The following COL5A2 variants were observed in gnomAD, a reference collection of about 807,000 sequenced individuals.
COL5A2 encodes collagen alpha-2(V) chain.
COL5A2 carries 23 observed loss-of-function variants against 208.2 expected under a neutral mutation model. The ratio of observed to expected loss-of-function variants is 0.11; its 90% confidence interval spans 0.08 to 0.16. The LOEUF is 0.16. Among genes scored for constraint, COL5A2 ranks in the 10% least tolerant of loss-of-function variants. The pLI is 1.00. For missense variants in COL5A2, 1,590 were observed against 1,956.4 expected, an observed-to-expected ratio of 0.81 and a Z score of 3.53; for synonymous variants, 625 against 628.5, an observed-to-expected ratio of 0.99 and a Z score of 0.08.
intron 1 of COL5A2, among the ~76,000 whole-genome samples, chr2:189,131,951 T>C (rs1302106972): frequency 6.6e-6 from 1 of 152,206 alleles, no homozygotes; most frequent in Non-Finnish European, 1.5e-5. Context: ...CTATGTAATA[T>C]AATTGATAAA....
chr2:189,375,419 G>A, the COL5A2 span, among the ~76,000 whole-genome samples: 1 of 152,170 alleles, frequency 6.6e-6, no homozygotes, highest in South Asian at 2.1e-4. Flanking sequence ...TGTTGAATGA[G>A]GTACAGACTA....
At chr2:189,039,145 G>T in intron 51 of COL5A2, 127 bp downstream of exon 51, 1 of 1,185,236 alleles carries the variant, frequency 8.4e-7, no homozygotes, top group Non-Finnish European at 1.2e-6. Flanking sequence ...TAAGCTCCAT[G>T]ATATGTTTAC....
intron 1 of COL5A2, among the ~76,000 whole-genome samples, chr2:189,117,830 A>G (rs1687424094): frequency 6.6e-6 from 1 of 152,052 alleles, no homozygotes; most frequent in Non-Finnish European, 1.5e-5. Context: ...ATAGAATTAT[A>G]GCTCTGTGAG....
chr2:189,317,355 T>C, the COL5A2 span, among the ~76,000 whole-genome samples: 3,002 of 152,246 alleles, frequency 0.02, 101 homozygotes, highest in African/African-American at 0.069. Flanking sequence ...TGTTATTTCA[T>C]ATTTTCAGGT....
At chr2:189,405,264 C>T in the COL5A2 span, among the ~76,000 whole-genome samples, 2 of 151,108 alleles carry the variant, frequency 1.3e-5, no homozygotes, top group Non-Finnish European at 2.9e-5. Flanking sequence ...TAGGGTGTTG[C>T]TCTGTCACCC....
At chr2:189,386,758 C>G in the COL5A2 span, among the ~76,000 whole-genome samples, 1 of 151,946 alleles carries the variant, frequency 6.6e-6, no homozygotes, top group South Asian at 2.1e-4. Context: ...GAAATGCAAA[C>G]CAAAACCATA....
At chr2:189,107,547 AT>A (rs1392444515) in intron 2 of COL5A2, among the ~76,000 whole-genome samples, 3 of 150,358 alleles carry the variant, frequency 2.0e-5, no homozygotes, top group South Asian at 2.1e-4. Flanking sequence ...TATCTTTACA[AT>A]TTTTTTCTTC....
chr2:189,206,568 CCT>C (rs1373605612), intron 1 of COL5A2, among the ~76,000 whole-genome samples: 1 of 152,122 alleles, frequency 6.6e-6, no homozygotes, highest in Non-Finnish European at 1.5e-5. Context: ...GGAGTGGTCC[CCT>C]GTTAAAACCA....
Position 189,079,974 on chromosome 2 carries a change from T to A in COL5A2, c.960+4A>T. 6.2e-7 allele frequency: 1 copy of A among 1,611,266 alleles called. No homozygotes were observed. ...AGGTTACAGTGAGATAATTATAAGATTACCTTGGAACCAGGTGCTCCAACT... is the reference window on the plus strand; with the variant it reads ...AGGTTACAGTGAGATAATTATAAGAATACCTTGGAACCAGGTGCTCCAACT... On this transcript the variant is annotated splice_donor_region_variant and intron_variant, in intron 14 of 53. Transcript: ENST00000374866.
chr2:189,215,161 C>T (rs911113334), intron 1 of COL5A2, among the ~76,000 whole-genome samples: 2 of 152,070 alleles, frequency 1.3e-5, no homozygotes, highest in African/African-American at 4.8e-5. Context: ...CATAGTTACA[C>T]ATAATAAAAG....
chr2:189,200,902 C>T (rs543774297), intron 1 of COL5A2, among the ~76,000 whole-genome samples: 1 of 152,102 alleles, frequency 6.6e-6, no homozygotes, highest in Admixed American at 6.5e-5. Flanking sequence ...GAAATAATGG[C>T]TTTCTTTCAC....
the COL5A2 span, among the ~76,000 whole-genome samples, chr2:189,285,322 T>C: frequency 6.6e-6 from 1 of 151,984 alleles, no homozygotes; most frequent in Non-Finnish European, 1.5e-5. Context: ...AACTCTATTT[T>C]ACCTGTTAAA....
intron 1 of COL5A2, among the ~76,000 whole-genome samples, chr2:189,154,203 T>C (rs913092137): frequency 1.3e-5 from 2 of 152,202 alleles, no homozygotes; most frequent in Non-Finnish European, 1.5e-5. Context: ...TCAGAAACTC[T>C]ATTTTTTATT....
the COL5A2 span, among the ~76,000 whole-genome samples, chr2:189,320,054 G>T: frequency 2.0e-5 from 3 of 152,174 alleles, no homozygotes; most frequent in African/African-American, 7.2e-5. Flanking sequence ...CAGGCAAACA[G>T]GGTCTGGAGT....
chr2:189,403,460 T>C, the COL5A2 span, among the ~76,000 whole-genome samples: 1 of 152,192 alleles, frequency 6.6e-6, no homozygotes, highest in Non-Finnish European at 1.5e-5. Context: ...CTATGTTGAA[T>C]AGGAGTGGTG....
At chr2:189,039,646 C>A in intron 50 of COL5A2, 83 bp from the exon 51 acceptor site, 2 of 1,318,152 alleles carry the variant, frequency 1.5e-6, no homozygotes, top group Non-Finnish European at 1.0e-6. Flanking sequence ...TAGGGAGTTC[C>A]AATGAGACAC....
chr2:189,144,261 G>GAC (rs1163320392), intron 1 of COL5A2, among the ~76,000 whole-genome samples: 2 of 152,242 alleles, frequency 1.3e-5, no homozygotes, highest in East Asian at 3.9e-4. Flanking sequence ...GGTACAGTTT[G>GAC]ACACACAGTT....
the COL5A2 span, among the ~76,000 whole-genome samples, chr2:189,426,611 G>A: frequency 6.6e-6 from 1 of 152,208 alleles, no homozygotes; most frequent in Non-Finnish European, 1.5e-5. Context: ...TGCGTCATGA[G>A]CATGTGTCCT....
intron 32 of COL5A2, 91 bp downstream of exon 32, chr2:189,058,758 A>T: frequency 8.2e-7 from 1 of 1,220,454 alleles, no homozygotes; most frequent in Non-Finnish European, 1.2e-6. Flanking sequence ...TTTATAGGTT[A>T]AAATAAATCC....
Sources: allele counts gnomAD v4.1 joint callset (sites outside exome capture counted in the v4.1 genomes callset), GRCh38; gene constraint gnomAD v4.1.1; transcripts MANE v1.5; gene names NCBI Gene and HGNC (gene_info 2026-07-23, HGNC 2026-07-21).